Variants in NACC2 observed in about 807,000 individuals in gnomAD.
NACC2 encodes nucleus accumbens-associated protein 2.
A neutral mutation model predicts 25.1 loss-of-function variants in NACC2; 8 were observed. The ratio of observed to expected loss-of-function variants is 0.32; its 90% CI spans 0.19 to 0.57. The LOEUF (loss-of-function observed/expected upper bound fraction) is 0.57, where lower values mean the gene tolerates loss of function less well. NACC2 is among the 20% of genes least tolerant of loss of function. NACC2 has a pLI of 0.89. For synonymous variants in NACC2, 435 were observed against 294.7 expected, an observed-to-expected ratio of 1.48 and a Z score of -4.88; for missense variants, 644 against 650.2, an observed-to-expected ratio of 0.99 and a Z score of 0.10.
chr9:136,026,903 G>A (rs915382704), intron 2 of NACC2, among the ~76,000 whole-genome samples: 1 of 152,210 alleles, frequency 6.6e-6, no homozygotes. Flanking sequence ...CAGTAACCAC[G>A]TGAAATGAAA....
chr9:136,072,088 A>T (rs1431560504), intron 1 of NACC2, among the ~76,000 whole-genome samples: 1 of 151,832 alleles, frequency 6.6e-6, no homozygotes, highest in Admixed American at 6.6e-5. Flanking sequence ...AAATATAAAA[A>T]TTAGCTGGGC....
Position 136,013,163 on chromosome 9 carries a change from C to CCGCCCCCCCCCCCCCA in NACC2, c.1255+35_1255+36insTGGGGGGGGGGGGGCG. 3.6e-6 allele frequency: 3 copies of CCGCCCCCCCCCCCCCA among 844,770 alleles called. No individual in the cohort carries two copies. The highest frequency in any genetic ancestry group is 1.3e-5 in the South Asian group (1 of 74,446). 52.3% of individuals were successfully genotyped at this position (844,770 alleles called of 1,614,324 possible). ...TCAGGCTGGGATCTGAACCCAGCCC[C>CCGCCCCCCCCCCCCCA]GGCCCCACCCACCCGAGAGACCCCC... On this transcript the variant is annotated intron_variant, in intron 5 of 5. Transcript: ENST00000277554. The surrounding 1 kb of genome is among the most constrained non-coding windows in gnomAD (Gnocchi z 6.6).
At chr9:136,014,028 G>A in intron 3 of NACC2, 59 bp from the exon 4 acceptor site, 1 of 1,142,088 alleles carries the variant, frequency 8.8e-7, no homozygotes, top group Non-Finnish European at 1.2e-6. Flanking sequence ...GGTCCGAAGA[G>A]GCGCACAGAT....
chr9:136,028,323 G>A (rs1219799349), intron 2 of NACC2, among the ~76,000 whole-genome samples: 1 of 151,756 alleles, frequency 6.6e-6, no homozygotes, highest in Admixed American at 6.6e-5. Context: ...AAATACTTTA[G>A]GTAGGCTGAC....
At position 136,024,900 on chromosome 9, in the gene NACC2, C is replaced by G. The variant is rs541693921; in HGVS notation, c.887-8471G>C. On this transcript the variant is annotated intron_variant, in intron 2 of 5. Transcript: ENST00000277554. ...CTAAAGGCGGCAGTGGCTGACAGAG[C>G]CGGGAGCCTCGGGGCCCAGGATCCT... 1.6e-3 allele frequency among the ~76,000 whole-genome samples: 242 copies of G among 152,302 alleles called. 1 individual carries two copies. The highest frequency in any genetic ancestry group is 5.5e-3 in the African/African-American group (230 of 41,576).
At chr9:136,046,804 G>A (rs977554456) in intron 2 of NACC2, among the ~76,000 whole-genome samples, 11 of 152,232 alleles carry the variant, frequency 7.2e-5, no homozygotes, top group Non-Finnish European at 1.5e-4. Flanking sequence ...GACACCGCAT[G>A]GAGACCCTTG....
At chr9:136,067,355 G>A (rs1217523986) in intron 1 of NACC2, among the ~76,000 whole-genome samples, 1 of 152,118 alleles carries the variant, frequency 6.6e-6, no homozygotes, top group African/African-American at 2.4e-5. Flanking sequence ...GACTACTAAA[G>A]GGTGTGGTTT....
chr9:136,088,311 A>C (rs547087284), intron 1 of NACC2, among the ~76,000 whole-genome samples: 2 of 152,076 alleles, frequency 1.3e-5, no homozygotes, highest in Non-Finnish European at 2.9e-5. Context: ...CAGGGGACAC[A>C]CTGTACTCAG....
chr9:136,021,479 G>A (rs919270877), intron 2 of NACC2, among the ~76,000 whole-genome samples: 4 of 152,214 alleles, frequency 2.6e-5, no homozygotes, highest in African/African-American at 4.8e-5. Flanking sequence ...GAGGACACGG[G>A]GCAGCTGGGA....
intron 1 of NACC2, among the ~76,000 whole-genome samples, chr9:136,066,117 C>T (rs929520825): frequency 5.3e-5 from 8 of 149,976 alleles, no homozygotes; most frequent in Non-Finnish European, 1.0e-4. Flanking sequence ...CACCTGAGCC[C>T]GGGAGGCAGA....
chr9:136,094,968 G>A (rs11103328), intron 1 of NACC2, among the ~76,000 whole-genome samples: 1 of 145,954 alleles, frequency 6.9e-6, no homozygotes. Context: ...CCCCGGCCCC[G>A]CCCGGCCCCC....
intron 1 of NACC2, among the ~76,000 whole-genome samples, chr9:136,060,546 T>TG (rs34955493): frequency 2.0e-5 from 3 of 152,048 alleles, no homozygotes; most frequent in African/African-American, 7.2e-5. Flanking sequence ...TGGGGCCGGG[T>TG]GGGGGGTGCC....
At position 136,013,311 on chromosome 9, in the gene NACC2, G is replaced by A. The variant is rs369520848; in HGVS notation, c.1158-15C>T. On this transcript the variant is annotated splice_polypyrimidine_tract_variant and intron_variant, in intron 4 of 5. Transcript: ENST00000277554. This position sits in a 1 kb window ranked among gnomAD's most constrained non-coding sequence, Gnocchi z 6.6. ...CCAGCGTGTTCCTGGTGGAGGGACCGGAAAGGCAGGCAGGGTGAGGATGAT... is the reference window on the plus strand; with the variant it reads ...CCAGCGTGTTCCTGGTGGAGGGACCAGAAAGGCAGGCAGGGTGAGGATGAT... 1.6e-5 allele frequency: 25 copies of A among 1,608,074 alleles called. No individual in the cohort carries two copies. The highest frequency in any genetic ancestry group is 3.3e-5 in the Admixed American group (2 of 59,846).
At position 136,016,412 on chromosome 9, in the gene NACC2, G is replaced by C. The variant is rs901068873; in HGVS notation, c.904C>G (p.Pro302Ala). 5.6e-6 allele frequency: 9 copies of C among 1,610,900 alleles called. No individual in the cohort carries two copies. Among genetic ancestry groups the C allele is most frequent in the Non-Finnish European group, 6.8e-6 (8 of 1,179,738 alleles). Residue 302 changes from proline (P) to alanine (A), a missense_variant, in exon 3 of 6, where the codon CCA (proline) becomes GCA (alanine). Coordinates refer to ENST00000277554, the MANE Select transcript of NACC2 (RefSeq NM_144653.5). ...CAGGAGCGGCTCTCCAGCGGCACTG[G>C]CTCAGGCTTCTCTTGCACTGTGGGC... ...GSYAVQEKPE[P>A]VPLESRSCVL...
intron 1 of NACC2, among the ~76,000 whole-genome samples, chr9:136,061,174 G>A (rs1180758988): frequency 2.6e-5 from 4 of 152,102 alleles, no homozygotes; most frequent in South Asian, 2.1e-4. Context: ...AGCCCCCACC[G>A]TGAGCTCAGA....
At position 136,084,416 on chromosome 9, in the gene NACC2, G is replaced by A. The variant is rs971809967; in HGVS notation, c.-60+10773C>T. On this transcript the variant is annotated intron_variant, in intron 1 of 5. Transcript: ENST00000277554. The surrounding 1 kb of genome is among the most constrained non-coding windows in gnomAD (Gnocchi z 5.1). ...ACCTCCTACGCAATGTCCGGTCTCC[G>A]CTGGTGGGGCAACGTCCAAGAAGGC... 7.2e-5 allele frequency among the ~76,000 whole-genome samples: 11 copies of A among 152,130 alleles called. No homozygotes were observed. Among genetic ancestry groups the A allele is most frequent in the African/African-American group, 2.4e-4 (10 of 41,404 alleles).
At chr9:136,048,917 A>C (rs957192645) in intron 2 of NACC2, among the ~76,000 whole-genome samples, 1 of 152,244 alleles carries the variant, frequency 6.6e-6, no homozygotes, top group African/African-American at 2.4e-5. Flanking sequence ...ACCCAGGCCC[A>C]GGCCGCTGCA....
At chr9:136,053,664 T>C (rs1029513834) in intron 1 of NACC2, among the ~76,000 whole-genome samples, 9,798 of 152,222 alleles carry the variant, frequency 0.064, 1,069 homozygotes, top group African/African-American at 0.22. Flanking sequence ...CAGAGGCCCC[T>C]AGACAGCTCC....
chr9:136,054,315 G>A (rs1280623279), intron 1 of NACC2, among the ~76,000 whole-genome samples: 11 of 152,316 alleles, frequency 7.2e-5, no homozygotes, highest in East Asian at 3.9e-4. Flanking sequence ...TGATGGGGCC[G>A]TGTGGTCCCT....
Sources: gnomAD v4.1 joint callset for allele counts (sites outside exome capture counted in the v4.1 genomes callset) on GRCh38, gnomAD v4.1.1 for gene constraint, Gnocchi (gnomAD v3.1) non-coding constraint, MANE v1.5 for transcripts, NCBI Gene and HGNC (gene_info 2026-07-23, HGNC 2026-07-21) for gene names.